Variants in MYO7B observed in about 807,000 individuals in gnomAD.
MYO7B encodes the protein unconventional myosin-VIIb.
Under a neutral mutation model 259.7 loss-of-function variants are expected in MYO7B, and 212 were observed. That is an observed-to-expected ratio of 0.82 (90% CI 0.73 to 0.91). The LOEUF (loss-of-function observed/expected upper bound fraction) is 0.91. Ranked by LOEUF, MYO7B falls within the 40% of genes least tolerant of loss-of-function variation. The probability of loss-of-function intolerance (pLI) is 0.00; values close to 1 mark genes in which losing one functional copy is unlikely to be tolerated. For synonymous variants in MYO7B, 1,197 were observed against 1,166.4 expected (o/e 1.03, Z -0.54); for missense variants, 2,732 against 2,813.5 (o/e 0.97, Z 0.66).
intron 30 of MYO7B, 107 bp downstream of exon 30, chr2:127,624,427 G>A: frequency 2.9e-6 from 3 of 1,018,884 alleles, no homozygotes; most frequent in Non-Finnish European, 4.3e-6. Flanking sequence ...TGGGGGGGCA[G>A]GAAAGGGGGT....
intron 2 of MYO7B, among the ~76,000 whole-genome samples, chr2:127,562,558 G>A (rs571691039): frequency 7.6e-5 from 11 of 144,672 alleles, no homozygotes; most frequent in East Asian, 2.0e-4. Flanking sequence ...GCATGATCTC[G>A]GTCACTGCAA....
chr2:127,576,595 G>T lies in MYO7B; in HGVS notation c.736G>T (p.Ala246Ser), dbSNP rs1375821573. The T allele has an allele frequency of 2.5e-6, 4 of 1,579,234 alleles. No homozygotes were observed. Among genetic ancestry groups the T allele is most frequent in the East Asian group, 4.5e-5 (2 of 44,136 alleles). The change falls in exon 8 of 48, where the codon GCT becomes TCT. Residue 246 changes from alanine (A) to serine (S), a missense_variant and splice_region_variant. Around this residue, in one of 3 missense-constraint regions of MYO7B, gnomAD observed 1,906 missense variants for 2,026.4 expected, o/e 0.94. Coordinates refer to ENST00000409816, the MANE Select transcript of MYO7B (RefSeq NM_001393586.1). This position sits in a 1 kb window ranked among gnomAD's most constrained non-coding sequence, Gnocchi z 4.9. Reference protein sequence around the residue: ...LLEKSRVCRQAPEERNYHIFY... With the variant: ...LLEKSRVCRQSPEERNYHIFY... The stretch of plus-strand genomic sequence containing the variant: ...CTGGAATGCCCTCCCTCCCTCCCAG[G>T]CTCCCGAGGAGCGGAACTACCATAT...
intron 26 of MYO7B, 121 bp from the exon 27 acceptor site, chr2:127,620,219 T>C (rs968171787): frequency 8.2e-7 from 1 of 1,214,900 alleles, no homozygotes; most frequent in Non-Finnish European, 1.1e-6. Context: ...GCCCCGGCGC[T>C]GGAGAGGTGC....
In MYO7B at chr2:127,634,492, G is replaced by A. The variant is rs890870620; in HGVS notation, c.5626-104G>A. 1.0e-5 allele frequency: 11 copies of A among 1,080,430 alleles called. 1 individual carries two copies. Among genetic ancestry groups the A allele is most frequent in the Admixed American group, 1.0e-4 (5 of 49,194 alleles). 66.9% of individuals were successfully genotyped at this position (1,080,430 alleles called of 1,614,324 possible). A position where few individuals can be genotyped will look rare whatever the true frequency, so the allele number is the denominator to read the frequency against. Reference sequence around the variant, plus strand: ...TAGCCCACGCACAGCCGACTCCAGCGCAGCACCCAGGCCGTAGGCGGCCAC... The same window carrying A: ...TAGCCCACGCACAGCCGACTCCAGCACAGCACCCAGGCCGTAGGCGGCCAC... On this transcript the variant is annotated intron_variant, in intron 41 of 47. Coordinates refer to ENST00000409816, the MANE Select transcript of MYO7B (RefSeq NM_001393586.1).
chr2:127,602,594 G>A (rs1261295459), intron 19 of MYO7B, among the ~76,000 whole-genome samples: 1 of 152,160 alleles, frequency 6.6e-6, no homozygotes, highest in Non-Finnish European at 1.5e-5. Flanking sequence ...AAGTTATGTT[G>A]AGCTCTGATG....
Position 127,627,366 on chromosome 2 carries a change from G to A in MYO7B, c.4460+56G>A, listed in dbSNP as rs781750986. The A allele has an allele frequency of 6.3e-7, 1 of 1,588,154 alleles. No individual in the cohort carries two copies. Among genetic ancestry groups the A allele is most frequent in the Admixed American group, 1.7e-5 (1 of 58,800 alleles). On this transcript the variant is annotated intron_variant, in intron 33 of 47. Transcript: ENST00000409816. This position sits in a 1 kb window ranked among gnomAD's most constrained non-coding sequence, Gnocchi z 5.6. The stretch of plus-strand genomic sequence containing the variant: ...CACACTGAGTCCTTGTGATGCATCT[G>A]GGGGCTCGGGGAGAGATGGGGAGAG...
chr2:127,629,703 G>A lies in MYO7B; in HGVS notation c.4683G>A (p.Gln1561=). The A allele has an allele frequency of 6.2e-7, 1 of 1,612,446 alleles. No homozygotes were observed. The highest frequency in any genetic ancestry group is 8.5e-7 in the Non-Finnish European group (1 of 1,179,484). ...ACCTGTTGGTCCTCACAAAGAAGCAGGGGCTGCTGGCCTCTGAGAACTGGA... is the reference window on the plus strand; with the variant it reads ...ACCTGTTGGTCCTCACAAAGAAGCAAGGGCTGCTGGCCTCTGAGAACTGGA... ...KGDLLVLTKK[Q]GLLASENWTL... Residue 1561 remains glutamine (Q), a synonymous_variant, in exon 35 of 48, where the codon CAG becomes CAA. Transcript: ENST00000409816.
chr2:127,626,609 C>T (rs958042199), intron 31 of MYO7B: 6 of 183,738 alleles, frequency 3.3e-5, no homozygotes, highest in Non-Finnish European at 6.8e-5. Context: ...GGCAAGACCC[C>T]CTCTACTAAA....
At chr2:127,552,556 C>T (rs1020698906) in intron 1 of MYO7B, among the ~76,000 whole-genome samples, 2 of 152,110 alleles carry the variant, frequency 1.3e-5, no homozygotes, top group Admixed American at 6.6e-5. Context: ...GAGGAGGAGA[C>T]GTCTATGGTA....
chr2:127,608,982 G>T, intron 22 of MYO7B, 104 bp downstream of exon 22: 1 of 1,406,406 alleles, frequency 7.1e-7, no homozygotes, highest in South Asian at 1.4e-5. Context: ...AGCCAGAGCG[G>T]TGGCCAAGTG....
chr2:127,637,005 T>C, intron 47 of MYO7B, 92 bp downstream of exon 47: 1 of 1,557,382 alleles, frequency 6.4e-7, no homozygotes, highest in Non-Finnish European at 8.7e-7. Flanking sequence ...AGTGGCTCAC[T>C]AAGAGGGCTC....
chr2:127,538,243 G>A (rs900235830), intron 1 of MYO7B, among the ~76,000 whole-genome samples: 2 of 151,798 alleles, frequency 1.3e-5, no homozygotes, highest in Non-Finnish European at 2.9e-5. Context: ...CACTGTTGGC[G>A]CCTGGCAGGG....
intron 19 of MYO7B, among the ~76,000 whole-genome samples, chr2:127,601,546 A>T (rs896604197): frequency 3.3e-5 from 5 of 152,012 alleles, no homozygotes; most frequent in Non-Finnish European, 7.4e-5. Context: ...TTTTATTATC[A>T]TGTAATATCC....
chr2:127,552,527 C>A (rs532587183), intron 1 of MYO7B, among the ~76,000 whole-genome samples: 2 of 152,224 alleles, frequency 1.3e-5, no homozygotes, highest in Admixed American at 6.5e-5. Flanking sequence ...GGAGTGGGGG[C>A]CCCTAGGGCT....
At chr2:127,621,265 GTTT>G (rs1212192791) in intron 27 of MYO7B, among the ~76,000 whole-genome samples, 2 of 120,688 alleles carry the variant, frequency 1.7e-5, no homozygotes, top group East Asian at 2.2e-4. Flanking sequence ...TTTTTTTTTT[GTTT>G]TTTTTTTTTT....
chr2:127,538,274 G>A (rs546172923), intron 1 of MYO7B, among the ~76,000 whole-genome samples: 11 of 152,260 alleles, frequency 7.2e-5, no homozygotes, highest in Admixed American at 5.9e-4. Context: ...GTTGAGGGGG[G>A]TGGTAAGATA....
At chr2:127,629,552 G>A (rs1558850316) in intron 34 of MYO7B, 93 bp from the exon 35 acceptor site, 12 of 1,264,142 alleles carry the variant, frequency 9.5e-6, no homozygotes, top group Admixed American at 4.7e-5. Context: ...TCTATGCCTC[G>A]GTTTCATCTG....
chr2:127,603,232 A>G (rs1579513), intron 19 of MYO7B, among the ~76,000 whole-genome samples: 32,061 of 152,134 alleles, frequency 0.21, 4,257 homozygotes, highest in African/African-American at 0.37. Flanking sequence ...TGAATCATGA[A>G]TGTTCTTAGT....
intron 41 of MYO7B, 44 bp downstream of exon 41, chr2:127,634,333 T>C (rs1310014607): frequency 7.1e-6 from 10 of 1,418,226 alleles, no homozygotes; most frequent in South Asian, 1.3e-5. Flanking sequence ...GGACGGGCAG[T>C]GAGCGAGGCC....
Sources: gnomAD v4.1 joint callset for allele counts (sites outside exome capture counted in the v4.1 genomes callset) on GRCh38, gnomAD v4.1.1 for gene constraint, gnomAD v4.1.1 regional missense constraint, Gnocchi (gnomAD v3.1) non-coding constraint, MANE v1.5 for transcripts, NCBI Gene and HGNC (gene_info 2026-07-23, HGNC 2026-07-21) for gene names.